Variants in KSR2 observed in about 807,000 individuals in gnomAD.
KSR2 encodes the protein kinase suppressor of ras 2.
Under a neutral mutation model 107.8 loss-of-function variants are expected in KSR2, and 25 were observed. The observed-to-expected ratio is 0.23, with a 90% CI of 0.17 to 0.32. The LOEUF (loss-of-function observed/expected upper bound fraction) is 0.32. KSR2 is among the 10% of genes least tolerant of loss of function. The pLI is 1.00. For synonymous variants in KSR2, 480 were observed against 507.0 expected (o/e 0.95, Z 0.71); for missense variants, 887 against 1,268.9 (o/e 0.70, Z 4.57).
chr12:117,746,091 C>T (rs1218606336), intron 4 of KSR2, among the ~76,000 whole-genome samples: 1 of 152,248 alleles, frequency 6.6e-6, no homozygotes, highest in South Asian at 2.1e-4. Flanking sequence ...CTTTAAATTT[C>T]ATATGGAACC....
rs751679710 is a variant in KSR2 at position 117,762,684 on chromosome 12, G to A, written c.473-1160C>T. Reference sequence around the variant, plus strand: ...GTTTGAGACCAGCCTGGCCAACATGGTGAAACTCCATCTCTACTAAAAATA... The same window carrying A: ...GTTTGAGACCAGCCTGGCCAACATGATGAAACTCCATCTCTACTAAAAATA... On this transcript the variant is annotated intron_variant, in intron 3 of 19. Transcript: ENST00000339824. 2.0e-4 allele frequency among the ~76,000 whole-genome samples: 30 copies of A among 152,008 alleles called. 2 individuals are homozygous for A. Among genetic ancestry groups the A allele is most frequent in the Admixed American group, 1.3e-4 (2 of 15,260 alleles).
At chr12:117,902,514 AAAAAT>A (rs1384318649) in intron 1 of KSR2, among the ~76,000 whole-genome samples, 1 of 151,322 alleles carries the variant, frequency 6.6e-6, no homozygotes, top group Non-Finnish European at 1.5e-5. Flanking sequence ...AAAAAAAAAA[AAAAAT>A]GAGAATTACC....
In KSR2 at chr12:117,907,587, C is replaced by CAG. The variant is rs369421830; in HGVS notation, c.181-47158_181-47157dup. ...TTAGAGATTAAGAGAGCACAGAACA[C>CAG]AGAGAGAGAGAATATCAGAAAATGT... On this transcript the variant is annotated intron_variant, in intron 1 of 19. Transcript: ENST00000339824. The surrounding 1 kb of genome is among the most constrained non-coding windows in gnomAD (Gnocchi z 4.3). 6.6e-6 allele frequency among the ~76,000 whole-genome samples: 1 copy of CAG among 152,030 alleles called. No homozygotes were observed. The highest frequency in any genetic ancestry group is 2.1e-4 in the South Asian group (1 of 4,818).
At chr12:117,864,212 T>C (rs1275858894) in intron 1 of KSR2, among the ~76,000 whole-genome samples, 1 of 151,850 alleles carries the variant, frequency 6.6e-6, no homozygotes, top group Non-Finnish European at 1.5e-5. Context: ...CATCCAGAAA[T>C]AGCAATGGCC....
chr12:117,917,242 TC>T (rs1456148280), intron 1 of KSR2, among the ~76,000 whole-genome samples: 1 of 152,150 alleles, frequency 6.6e-6, no homozygotes, highest in Non-Finnish European at 1.5e-5. Context: ...ATACAATATA[TC>T]TTAAAGTCTA....
At chr12:117,929,335 C>T (rs1895630382) in intron 1 of KSR2, among the ~76,000 whole-genome samples, 1 of 152,142 alleles carries the variant, frequency 6.6e-6, no homozygotes, top group South Asian at 2.1e-4. Flanking sequence ...CCATACTGTT[C>T]TCATGGTAGT....
At chr12:117,522,774 A>G (rs1031252018) in intron 14 of KSR2, among the ~76,000 whole-genome samples, 1 of 152,142 alleles carries the variant, frequency 6.6e-6, no homozygotes. Context: ...ATCCCCTGAC[A>G]ATCTGCCAAC....
intron 3 of KSR2, among the ~76,000 whole-genome samples, chr12:117,846,920 C>T (rs1308286421): frequency 6.6e-6 from 1 of 152,368 alleles, no homozygotes; most frequent in East Asian, 1.9e-4. Context: ...CCCAACCCCT[C>T]CTGGCAACTG....
intron 3 of KSR2, among the ~76,000 whole-genome samples, chr12:117,788,077 T>C (rs1263914973): frequency 1.3e-5 from 2 of 152,244 alleles, no homozygotes; most frequent in East Asian, 3.8e-4. Flanking sequence ...GCTGTCTTCC[T>C]GCTGCTGTCA....
At chr12:117,696,300 C>T (rs1364176972) in intron 4 of KSR2, among the ~76,000 whole-genome samples, 7 of 152,228 alleles carry the variant, frequency 4.6e-5, no homozygotes, top group African/African-American at 1.2e-4. Context: ...AAGCAGTGGA[C>T]GGTGAACCCC....
intron 3 of KSR2, among the ~76,000 whole-genome samples, chr12:117,771,070 G>C (rs1332932769): frequency 6.6e-6 from 1 of 151,198 alleles, no homozygotes; most frequent in African/African-American, 2.4e-5. Context: ...CTGTGAAATA[G>C]ATGCTTTTAC....
intron 4 of KSR2, among the ~76,000 whole-genome samples, chr12:117,759,850 G>C (rs1424412295): frequency 6.6e-6 from 1 of 152,226 alleles, no homozygotes. Context: ...GCTCATGCCT[G>C]TAATCCCAGC....
intron 4 of KSR2, among the ~76,000 whole-genome samples, chr12:117,678,613 A>G (rs1365342109): frequency 1.3e-5 from 2 of 152,172 alleles, no homozygotes; most frequent in African/African-American, 4.8e-5. Context: ...AGCTCCCATG[A>G]CACAGGATCT....
intron 7 of KSR2, among the ~76,000 whole-genome samples, chr12:117,575,177 A>G (rs1314014391): frequency 6.6e-6 from 1 of 152,222 alleles, no homozygotes; most frequent in Non-Finnish European, 1.5e-5. Context: ...GCCCCAGCAT[A>G]GAAACTAGGG....
intron 5 of KSR2, among the ~76,000 whole-genome samples, chr12:117,610,425 T>C (rs1460145761): frequency 3.9e-5 from 6 of 152,054 alleles, no homozygotes; most frequent in East Asian, 1.9e-4. Flanking sequence ...TATTGTGAGA[T>C]ACTATGCAGC....
chr12:117,751,300 T>C (rs576408895), intron 4 of KSR2, among the ~76,000 whole-genome samples: 9 of 152,190 alleles, frequency 5.9e-5, no homozygotes, highest in Non-Finnish European at 1.2e-4. Context: ...TAAACCTCTT[T>C]CCTTTATAAA....
intron 14 of KSR2, among the ~76,000 whole-genome samples, chr12:117,503,465 C>G (rs960646869): frequency 6.6e-6 from 1 of 152,104 alleles, no homozygotes; most frequent in African/African-American, 2.4e-5. Flanking sequence ...GTGCATTGCT[C>G]AATCCCCACT....
rs1196066544 is a variant in KSR2, at chr12:117,794,253, ACACATACACCAACATG to A, written c.473-32745_473-32730del. ...AACATGCACACTCACACCAACATGC[ACACATACACCAACATG>A]CACACACACCAACATGCACTCACAC... On this transcript the variant is annotated intron_variant, in intron 3 of 19. Coordinates refer to ENST00000339824, the MANE Select transcript of KSR2 (RefSeq NM_173598.6). Among the ~76,000 whole-genome samples, 10 of 94,576 alleles carry A rather than the reference ACACATACACCAACATG, an allele frequency of 1.1e-4. 1 individual carries two copies. The highest frequency in any genetic ancestry group is 4.4e-4 in the African/African-American group (8 of 18,258). The allele number at this position is 94,576 out of a possible 152,430, so 62.0% of individuals were successfully genotyped here. A position where few individuals can be genotyped will look rare whatever the true frequency, so the allele number is the denominator to read the frequency against.
intron 5 of KSR2, among the ~76,000 whole-genome samples, chr12:117,660,042 T>C (rs1419856865): frequency 1.3e-5 from 2 of 152,122 alleles, no homozygotes; most frequent in African/African-American, 2.4e-5. Context: ...GCTACACCCT[T>C]TTCAGGTACT....
Sources: gnomAD v4.1 joint callset for allele counts (sites outside exome capture counted in the v4.1 genomes callset) on GRCh38, gnomAD v4.1.1 for gene constraint, Gnocchi (gnomAD v3.1) non-coding constraint, MANE v1.5 for transcripts, NCBI Gene and HGNC (gene_info 2026-07-23, HGNC 2026-07-21) for gene names.